The following C9orf85 variants were observed in gnomAD, a reference collection of about 807,000 sequenced individuals.
C9orf85 encodes the protein chromosome 9 open reading frame 85.
In C9orf85, 16 loss-of-function variants were observed where a neutral mutation model predicts 14.9. That is an observed-to-expected ratio of 1.08 (90% CI 0.73 to 1.63). The LOEUF (loss-of-function observed/expected upper bound fraction) is 1.63. Among genes scored for constraint, C9orf85 ranks in the 40% most tolerant of loss-of-function variants. The pLI, the probability that C9orf85 is intolerant of heterozygous loss-of-function variation, is 0.00. For missense variants in C9orf85, 172 were observed against 186.1 expected (o/e 0.92, Z 0.44); for synonymous variants, 45 against 56.8 (o/e 0.79, Z 0.93).
intron 2 of C9orf85, among the ~76,000 whole-genome samples, chr9:71,961,135 C>T (rs1034368686): frequency 6.6e-6 from 1 of 151,962 alleles, no homozygotes; most frequent in Non-Finnish European, 1.5e-5. Context: ...TGGTCTCAAA[C>T]TCCGGACCTC....
At chr9:71,961,043 C>T (rs1275426776) in intron 2 of C9orf85, among the ~76,000 whole-genome samples, 2 of 148,706 alleles carry the variant, frequency 1.3e-5, no homozygotes, top group Admixed American at 1.3e-4. Context: ...CTCCCGAGTA[C>T]CTGGGATTAC....
At chr9:71,942,285 A>G (rs1821953438) in intron 1 of C9orf85, among the ~76,000 whole-genome samples, 2 of 152,236 alleles carry the variant, frequency 1.3e-5, no homozygotes, top group African/African-American at 2.4e-5. Flanking sequence ...ACTGTATCAC[A>G]TGGTATAGGA....
At chr9:71,939,032 C>T (rs1289734772) in intron 1 of C9orf85, among the ~76,000 whole-genome samples, 2 of 151,006 alleles carry the variant, frequency 1.3e-5, no homozygotes, top group African/African-American at 2.4e-5. Context: ...AGTGTAGAAT[C>T]TCTGAGTGAT....
At chr9:71,953,611 A>G (rs2031319) in intron 2 of C9orf85, among the ~76,000 whole-genome samples, 151,447 of 152,320 alleles carry the variant, frequency 0.99, 75,300 homozygotes, top group Middle Eastern at 1. Flanking sequence ...ACATCCAGGT[A>G]TTTAACCCCA....
chr9:71,984,525 C>G (rs1823174022), downstream of C9orf85: 1 of 152,290 alleles, frequency 6.6e-6, no homozygotes, highest in South Asian at 2.1e-4. Context: ...CCATGTGACA[C>G]CCTGATACAG....
At chr9:71,943,230 G>C (rs1282936136) in intron 1 of C9orf85, among the ~76,000 whole-genome samples, 1 of 139,708 alleles carries the variant, frequency 7.2e-6, no homozygotes, top group Non-Finnish European at 1.5e-5. Context: ...ATTTTTCTTT[G>C]AGAATTTCAT....
chr9:71,932,125 C>T (rs1828084335), intron 1 of C9orf85, among the ~76,000 whole-genome samples: 1 of 152,148 alleles, frequency 6.6e-6, no homozygotes, highest in African/African-American at 2.4e-5. Context: ...CTAGTAATTA[C>T]CTTCTCCTGT....
chr9:71,964,306 C>G (rs769518307), intron 2 of C9orf85, among the ~76,000 whole-genome samples: 22 of 150,556 alleles, frequency 1.5e-4, no homozygotes, highest in Admixed American at 3.3e-4. Flanking sequence ...AGAATAAAAG[C>G]AGGCTGCCCC....
chr9:71,964,414 G>A (rs959696261), intron 2 of C9orf85, among the ~76,000 whole-genome samples: 3 of 152,126 alleles, frequency 2.0e-5, no homozygotes, highest in Middle Eastern at 3.4e-3. Flanking sequence ...GGTCTACACT[G>A]CCTTTATAAG....
downstream of C9orf85, among the ~76,000 whole-genome samples, chr9:71,973,891 A>T (rs1589276156): frequency 2.3e-5 from 3 of 130,926 alleles, no homozygotes; most frequent in Non-Finnish European, 3.3e-5. Flanking sequence ...TTTTTTTATT[A>T]CGTTTCTTAT....
chr9:71,976,679 T>A (rs1234459192), downstream of C9orf85, among the ~76,000 whole-genome samples: 3 of 147,250 alleles, frequency 2.0e-5, no homozygotes, highest in Non-Finnish European at 4.5e-5. Context: ...AAAAAAAAAT[T>A]CTTATTCCTG....
intron 1 of C9orf85, chr9:71,912,102 A>T (rs759554471): frequency 1.1e-5 from 5 of 465,456 alleles, no homozygotes; most frequent in African/African-American, 2.0e-5. Context: ...TAAGGTGCAG[A>T]TGGGGCAGTT....
chr9:71,936,871 A>G (rs1247371825), intron 1 of C9orf85, among the ~76,000 whole-genome samples: 1 of 144,050 alleles, frequency 6.9e-6, no homozygotes, highest in Non-Finnish European at 1.5e-5. Flanking sequence ...CGATCCTCCC[A>G]CCTCAGCTTC....
intron 2 of C9orf85, among the ~76,000 whole-genome samples, chr9:71,965,398 G>C (rs972288759): frequency 3.4e-5 from 4 of 118,982 alleles, no homozygotes; most frequent in Non-Finnish European, 6.9e-5. Context: ...GGGATTCTTA[G>C]TCAGCCTAGG....
chr9:71,971,529 G>C lies in C9orf85; in HGVS notation c.234G>C (p.Val78=). The C allele has an allele frequency of 1.9e-6, 3 of 1,600,682 alleles. No individual in the cohort carries two copies. The highest frequency in any genetic ancestry group is 2.6e-6 in the Non-Finnish European group (3 of 1,173,500). The stretch of plus-strand genomic sequence containing the variant: ...GTGTTAAATGTTTACAAAAGACAGT[G>C]AAGGATTCTTATCACATAATGTGCA... The part of the protein sequence containing the change: ...KKCVKCLQKT[V]KDSYHIMCRP... The change falls in exon 3 of 4, where the codon GTG becomes GTC. Residue 78 remains valine, a synonymous_variant. Coordinates refer to ENST00000334731, the MANE Select transcript of C9orf85 (RefSeq NM_182505.5).
At chr9:71,972,598 A>G in intron 3 of C9orf85, 94 bp from the exon 4 acceptor site, 2 of 872,714 alleles carry the variant, frequency 2.3e-6, no homozygotes, top group South Asian at 1.9e-5. Context: ...GGTTTCTGTT[A>G]TTCAAGAAGT....
intron 2 of C9orf85, among the ~76,000 whole-genome samples, chr9:71,951,597 C>T (rs796255106): frequency 3.9e-5 from 6 of 152,242 alleles, no homozygotes; most frequent in African/African-American, 1.4e-4. Flanking sequence ...CACAGGATGG[C>T]ATAAGCATTG....
chr9:71,982,858 A>G, exon 4 of C9orf85: 2 of 263,402 alleles, frequency 7.6e-6, no homozygotes, highest in Non-Finnish European at 1.5e-5. Context: ...CCGGTCTCGA[A>G]CTCCTGACCT....
At chr9:71,971,375 A>T in intron 2 of C9orf85, 130 bp from the exon 3 acceptor site, 1 of 488,546 alleles carries the variant, frequency 2.0e-6, no homozygotes, top group African/African-American at 2.0e-5. Flanking sequence ...GACATAAGAT[A>T]AACACCTGAA....
Sources: gnomAD v4.1 joint callset for allele counts (sites outside exome capture counted in the v4.1 genomes callset) on GRCh38, gnomAD v4.1.1 for gene constraint, MANE v1.5 for transcripts, NCBI Gene and HGNC (gene_info 2026-07-23, HGNC 2026-07-21) for gene names.